DLGAP1: variants seen among roughly 807,000 people sequenced by gnomAD.
DLGAP1 encodes the protein disks large-associated protein 1.
DLGAP1 carries 11 observed loss-of-function variants against 90.8 expected under a neutral mutation model. That is an observed-to-expected ratio of 0.12 (90% CI 0.08 to 0.20). DLGAP1 has a LOEUF of 0.20. Ranked by LOEUF, DLGAP1 falls within the 10% of genes least tolerant of loss-of-function variation. The pLI is 1.00. For missense variants in DLGAP1, 1,050 were observed against 1,333.8 expected (o/e 0.79, Z 3.31); for synonymous variants, 558 against 540.7 (o/e 1.03, Z -0.44).
chr18:4,274,913 T>C (rs1318486613), intron 1 of DLGAP1, among the ~76,000 whole-genome samples: 3 of 152,296 alleles, frequency 2.0e-5, no homozygotes, highest in Non-Finnish European at 4.4e-5. Context: ...TAGACTCCAC[T>C]GATCATTAAT....
intron 1 of DLGAP1, among the ~76,000 whole-genome samples, chr18:4,239,545 G>C (rs1023993903): frequency 6.6e-6 from 1 of 151,748 alleles, no homozygotes; most frequent in Non-Finnish European, 1.5e-5. Flanking sequence ...TCTTTTTTTC[G>C]TATGGAAGTG....
chr18:4,446,119 TG>T (rs1567930379), intron 1 of DLGAP1, among the ~76,000 whole-genome samples: 1 of 152,030 alleles, frequency 6.6e-6, no homozygotes, highest in Non-Finnish European at 1.5e-5. Context: ...TGGTGGAGGC[TG>T]ATGCAAGAGA....
In DLGAP1 at chr18:4,093,610, T is replaced by G. The variant is rs555800379; in HGVS notation, c.-159+57570A>C. Among the ~76,000 whole-genome samples, 6 of 152,260 alleles carry G rather than the reference T, an allele frequency of 3.9e-5. No individual in the cohort carries two copies. The South Asian group carries it at 1.2e-3, about 32-fold the overall frequency. The stretch of plus-strand genomic sequence containing the variant: ...AAAAAAAAAAGGTCTTTGATATACT[T>G]CTCCAACTTTGTACAATAAGGAGGT... On this transcript the variant is annotated intron_variant, in intron 2 of 12. Coordinates refer to ENST00000315677, the MANE Select transcript of DLGAP1 (RefSeq NM_004746.4).
intron 7 of DLGAP1, among the ~76,000 whole-genome samples, chr18:3,608,513 T>G (rs189327268): frequency 6.6e-6 from 1 of 152,348 alleles, no homozygotes; most frequent in East Asian, 1.9e-4. Context: ...CTTATTGATT[T>G]GATTGGCTTG....
chr18:3,977,482 A>G (rs1413028612), intron 3 of DLGAP1, among the ~76,000 whole-genome samples: 1 of 106,950 alleles, frequency 9.4e-6, no homozygotes. Context: ...TTATTGATGT[A>G]CACAATGAGG....
At chr18:3,874,714 C>T in intron 4 of DLGAP1, 1 of 1,533,278 alleles carries the variant, frequency 6.5e-7, no homozygotes, top group Non-Finnish European at 8.7e-7. Context: ...CATGTTCCTG[C>T]TCCCAACCCT....
Position 3,499,242 on chromosome 18 carries a change from G to C in DLGAP1, c.2877C>G (p.Ala959=). ...TCTCGATGCTCTCGGCGCTCTCGGT[G>C]GCCGAGTTCTGGCGGACGGACGCGG... ...KRAASVRQNS[A]TESAESIEIY... Residue 959 remains alanine (A), a synonymous_variant, in exon 13 of 13, where the codon GCC becomes GCG. Coordinates refer to ENST00000315677, the MANE Select transcript of DLGAP1 (RefSeq NM_004746.4). This position sits in a 1 kb window ranked among gnomAD's most constrained non-coding sequence, Gnocchi z 6.4. The C allele has an allele frequency of 6.3e-7, 1 of 1,598,362 alleles. No individual in the cohort carries two copies.
chr18:4,148,086 A>G (rs1598484674), intron 2 of DLGAP1, among the ~76,000 whole-genome samples: 1 of 152,294 alleles, frequency 6.6e-6, no homozygotes, highest in East Asian at 1.9e-4. Flanking sequence ...ATCACTAGAG[A>G]CAGAAACTAA....
chr18:3,634,260 G>T (rs968656906), intron 7 of DLGAP1, among the ~76,000 whole-genome samples: 1 of 151,526 alleles, frequency 6.6e-6, no homozygotes, highest in Non-Finnish European at 1.5e-5. Context: ...ATATATTAAA[G>T]AAAAAAATCA....
At chr18:3,633,269 G>A (rs1476887759) in intron 7 of DLGAP1, among the ~76,000 whole-genome samples, 1 of 152,128 alleles carries the variant, frequency 6.6e-6, no homozygotes, top group Admixed American at 6.5e-5. Flanking sequence ...TGGGCATGGT[G>A]GCGGGCTCCT....
intron 2 of DLGAP1, among the ~76,000 whole-genome samples, chr18:4,116,908 T>G (rs567034982): frequency 3.5e-4 from 53 of 152,334 alleles, no homozygotes; most frequent in Non-Finnish European, 5.4e-4. Context: ...TACTATGAGC[T>G]GAATATGTTA....
intron 1 of DLGAP1, among the ~76,000 whole-genome samples, chr18:4,438,447 A>AAG (rs1253231892): frequency 6.6e-6 from 1 of 150,518 alleles, no homozygotes; most frequent in Non-Finnish European, 1.5e-5. Flanking sequence ...AAAAAAAAAA[A>AAG]AAAAAAAGAA....
chr18:3,800,808 C>T (rs16945404), intron 5 of DLGAP1, among the ~76,000 whole-genome samples: 80,903 of 151,884 alleles, frequency 0.53, 24,120 homozygotes, highest in Non-Finnish European at 0.67. Flanking sequence ...TGGAGAATGG[C>T]GTATCACTAC....
At chr18:3,964,449 A>G (rs1323704731) in intron 3 of DLGAP1, among the ~76,000 whole-genome samples, 1 of 152,138 alleles carries the variant, frequency 6.6e-6, no homozygotes, top group East Asian at 1.9e-4. Flanking sequence ...TTGCATTTGC[A>G]GTGTTTGAGA....
intron 1 of DLGAP1, among the ~76,000 whole-genome samples, chr18:4,230,692 C>T (rs2078281460): frequency 6.8e-6 from 1 of 147,800 alleles, no homozygotes; most frequent in Admixed American, 6.9e-5. Flanking sequence ...GAAAGAATGA[C>T]TAAGATCTAG....
intron 6 of DLGAP1, among the ~76,000 whole-genome samples, chr18:3,741,228 TCAC>T (rs1332964689): frequency 7.1e-5 from 4 of 55,970 alleles, no homozygotes; most frequent in Non-Finnish European, 9.7e-5. Context: ...CACATCACCA[TCAC>T]CACCACCACC....
At chr18:3,505,323 T>C (rs1351827451) in intron 11 of DLGAP1, among the ~76,000 whole-genome samples, 4 of 152,142 alleles carry the variant, frequency 2.6e-5, no homozygotes, top group African/African-American at 7.2e-5. Context: ...CCCATTTTCC[T>C]CATCTGTAAA....
intron 9 of DLGAP1, among the ~76,000 whole-genome samples, chr18:3,561,966 C>T (rs544359515): frequency 3.3e-5 from 5 of 150,774 alleles, no homozygotes; most frequent in South Asian, 4.2e-4. Context: ...CTGTGGCTCA[C>T]GTCTGTAATC....
chr18:4,107,480 T>C lies in DLGAP1; in HGVS notation c.-159+43700A>G, dbSNP rs143508482. On this transcript the variant is annotated intron_variant, in intron 2 of 12. Coordinates refer to ENST00000315677, the MANE Select transcript of DLGAP1 (RefSeq NM_004746.4). ...CTTGTTCCCCATGACCCAGAATGGATTACAATGCCTTCTGCCTCACCATTA... is the reference window on the plus strand; with the variant it reads ...CTTGTTCCCCATGACCCAGAATGGACTACAATGCCTTCTGCCTCACCATTA... 9.1e-3 allele frequency among the ~76,000 whole-genome samples: 1,379 copies of C among 152,318 alleles called. 10 individuals carry two copies. Among genetic ancestry groups the C allele is most frequent in the Middle Eastern group, 0.031 (9 of 294 alleles).
Sources: allele counts gnomAD v4.1 joint callset (sites outside exome capture counted in the v4.1 genomes callset), GRCh38; gene constraint gnomAD v4.1.1; non-coding constraint Gnocchi (gnomAD v3.1); transcripts MANE v1.5; gene names NCBI Gene and HGNC (gene_info 2026-07-23, HGNC 2026-07-21).